The following NRG1 variants were observed in gnomAD, a reference collection of about 807,000 sequenced individuals.
NRG1 encodes neuregulin 1.
In NRG1, 18 loss-of-function variants were observed where a neutral mutation model predicts 63.8. That is an observed-to-expected ratio of 0.28 (90% CI 0.19 to 0.42). The LOEUF (loss-of-function observed/expected upper bound fraction) is 0.42. Ranked by LOEUF, NRG1 falls within the 10% of genes least tolerant of loss-of-function variation. The probability of loss-of-function intolerance (pLI) is 1.00; values close to 1 mark genes in which losing one functional copy is unlikely to be tolerated. For synonymous variants in NRG1, 302 were observed against 301.3 expected (o/e 1.00, Z -0.02); for missense variants, 762 against 814.7 (o/e 0.94, Z 0.79).
chr8:32,541,439 T>C (rs1287318954), intron 1 of NRG1, among the ~76,000 whole-genome samples: 2 of 151,498 alleles, frequency 1.3e-5, no homozygotes, highest in Non-Finnish European at 2.9e-5. Flanking sequence ...CATTATGAAG[T>C]AATTTCCTAT....
chr8:32,217,149 G>A (rs1586155249), intron 1 of NRG1, among the ~76,000 whole-genome samples: 1 of 149,240 alleles, frequency 6.7e-6, no homozygotes, highest in Non-Finnish European at 1.5e-5. Flanking sequence ...GGAGGCAGAG[G>A]TTGCAGTAAG....
chr8:32,729,855 A>G (rs970553558), intron 6 of NRG1, among the ~76,000 whole-genome samples: 29 of 152,116 alleles, frequency 1.9e-4, no homozygotes, highest in African/African-American at 6.8e-4. Flanking sequence ...AGCGTGCCTG[A>G]TGGGACCTCA....
In NRG1 at chr8:32,278,809, T is replaced by G. The variant is rs886082376; in HGVS notation, c.38-317019T>G. ...ACCCATCCTGCTTTCTGGGAATAGA[T>G]GAGTCCCTCTAAAGATGGGCATGTC... On this transcript the variant is annotated intron_variant, in intron 1 of 10. Coordinates refer to the NRG1 transcript ENST00000519301. Among the ~76,000 whole-genome samples, 11 of 152,208 alleles carry G rather than the reference T, an allele frequency of 7.2e-5. 2 individuals carry two copies. The highest frequency in any genetic ancestry group is 6.5e-4 in the Admixed American group (10 of 15,286).
intron 1 of NRG1, among the ~76,000 whole-genome samples, chr8:32,336,856 C>T (rs908455893): frequency 2.0e-5 from 3 of 152,200 alleles, no homozygotes; most frequent in East Asian, 1.9e-4. Context: ...GTGATCCACC[C>T]GCCTCAGCCT....
chr8:32,331,350 A>C (rs1802623259), intron 1 of NRG1, among the ~76,000 whole-genome samples: 1 of 114,558 alleles, frequency 8.7e-6, no homozygotes, highest in Non-Finnish European at 1.7e-5. Flanking sequence ...GAAACTCCCA[A>C]CTCTACAAAA....
At chr8:31,995,602 G>A (rs1563661114) in intron 1 of NRG1, among the ~76,000 whole-genome samples, 1 of 151,908 alleles carries the variant, frequency 6.6e-6, no homozygotes, top group Non-Finnish European at 1.5e-5. Context: ...TGAGGACCCT[G>A]GGTTATGTCT....
intron 1 of NRG1, among the ~76,000 whole-genome samples, chr8:31,677,859 A>G (rs1418774355): frequency 2.0e-5 from 3 of 152,116 alleles, no homozygotes; most frequent in Non-Finnish European, 4.4e-5. Context: ...TCCTGAATTT[A>G]GCATATTTAG....
intron 1 of NRG1, among the ~76,000 whole-genome samples, chr8:32,208,951 T>G (rs7001060): frequency 0.1 from 15,386 of 152,162 alleles, 903 homozygotes; most frequent in East Asian, 0.27. Flanking sequence ...TAAGCATGCA[T>G]AGCCTAATAT....
intron 1 of NRG1, among the ~76,000 whole-genome samples, chr8:32,442,242 C>T (rs1819642940): frequency 6.6e-6 from 1 of 152,262 alleles, no homozygotes; most frequent in East Asian, 1.9e-4. Flanking sequence ...TCCACCTAAA[C>T]ACTGACCCTC....
At chr8:32,472,525 T>C (rs1290173454) in intron 1 of NRG1, among the ~76,000 whole-genome samples, 4 of 152,252 alleles carry the variant, frequency 2.6e-5, no homozygotes, top group Admixed American at 6.5e-5. Context: ...ATGCATTTAG[T>C]ACACATTCAT....
At chr8:32,140,913 C>T (rs1005927898) in intron 1 of NRG1, among the ~76,000 whole-genome samples, 1 of 151,992 alleles carries the variant, frequency 6.6e-6, no homozygotes, top group African/African-American at 2.4e-5. Flanking sequence ...GTACTGTTGA[C>T]CTTTGAGCCC....
chr8:32,371,740 G>C (rs945122870), intron 1 of NRG1, among the ~76,000 whole-genome samples: 1 of 152,142 alleles, frequency 6.6e-6, no homozygotes, highest in Non-Finnish European at 1.5e-5. Flanking sequence ...GAAATCATGA[G>C]ACAACATGAA....
chr8:32,113,105 T>C (rs1023217630), intron 1 of NRG1, among the ~76,000 whole-genome samples: 1 of 152,132 alleles, frequency 6.6e-6, no homozygotes, highest in South Asian at 2.1e-4. Context: ...TACCACGAAG[T>C]TGACCTCACT....
intron 1 of NRG1, among the ~76,000 whole-genome samples, chr8:31,670,707 TG>T (rs1807044256): frequency 6.6e-6 from 1 of 152,178 alleles, no homozygotes; most frequent in Non-Finnish European, 1.5e-5. Flanking sequence ...TCTCTGATCC[TG>T]ATAGGTGGTG....
chr8:31,865,616 G>C (rs12677848), intron 1 of NRG1, among the ~76,000 whole-genome samples: 32,024 of 151,932 alleles, frequency 0.21, 3,640 homozygotes, highest in Non-Finnish European at 0.24. Context: ...TTATAACAGG[G>C]TTTTCCTCCT....
At chr8:31,731,741 T>A (rs990157067) in intron 1 of NRG1, among the ~76,000 whole-genome samples, 4 of 152,172 alleles carry the variant, frequency 2.6e-5, no homozygotes, top group Non-Finnish European at 2.9e-5. Flanking sequence ...AAAACACAGT[T>A]GAAAACTTCT....
intron 1 of NRG1, among the ~76,000 whole-genome samples, chr8:32,335,951 A>G (rs1658498341): frequency 6.6e-6 from 1 of 151,884 alleles, no homozygotes; most frequent in South Asian, 2.1e-4. Flanking sequence ...CACCACATAC[A>G]TGCATGAAAA....
intron 1 of NRG1, among the ~76,000 whole-genome samples, chr8:32,468,490 A>G (rs951682713): frequency 1.6e-4 from 25 of 152,084 alleles, no homozygotes; most frequent in Non-Finnish European, 2.9e-4. Context: ...TCACCTCTAC[A>G]TTTTTGCCCT....
At chr8:32,620,659 T>TA (rs531279071) in intron 5 of NRG1, among the ~76,000 whole-genome samples, 10 of 151,518 alleles carry the variant, frequency 6.6e-5, no homozygotes, top group African/African-American at 9.7e-5. Context: ...CTCATCTCTA[T>TA]AAAAAAATAA....
Sources: allele counts gnomAD v4.1 joint callset (sites outside exome capture counted in the v4.1 genomes callset), GRCh38; gene constraint gnomAD v4.1.1; transcripts MANE v1.5; gene names NCBI Gene and HGNC (gene_info 2026-07-23, HGNC 2026-07-21).